Variants in DUSP10 observed in about 807,000 individuals in gnomAD.
The protein encoded by DUSP10 is dual specificity phosphatase 10.
Under a neutral mutation model 30.8 loss-of-function variants are expected in DUSP10, and 14 were observed. That is an observed-to-expected ratio of 0.46 (90% CI 0.30 to 0.71). The LOEUF is 0.71. DUSP10 is among the 30% of genes least tolerant of loss of function. The pLI is 0.08. For synonymous variants in DUSP10, 254 were observed against 250.4 expected, an observed-to-expected ratio of 1.01 and a Z score of -0.14; for missense variants, 550 against 619.4, an observed-to-expected ratio of 0.89 and a Z score of 1.19.
chr1:221,710,567 A>G (rs1471380371), intron 2 of DUSP10, among the ~76,000 whole-genome samples: 1 of 152,226 alleles, frequency 6.6e-6, no homozygotes, highest in East Asian at 1.9e-4. Flanking sequence ...AAGACTCTAT[A>G]TAAGTAAACT....
chr1:221,708,675 T>C (rs1660839652), intron 2 of DUSP10, among the ~76,000 whole-genome samples: 1 of 152,146 alleles, frequency 6.6e-6, no homozygotes, highest in Non-Finnish European at 1.5e-5. Context: ...AAAGAAAATA[T>C]GGAAAATAAC....
At chr1:221,705,505 G>A (rs1239541892) in intron 3 of DUSP10, among the ~76,000 whole-genome samples, 7 of 152,206 alleles carry the variant, frequency 4.6e-5, no homozygotes, top group Admixed American at 1.3e-4. Flanking sequence ...GGATCAAAGC[G>A]TGCTGTTGCT....
Position 221,706,410 on chromosome 1 carries a change from G to C in DUSP10, c.868C>G (p.Leu290Val). The change falls in exon 3 of 4, where the codon CTC becomes GTC. Residue 290 changes from leucine to valine, a missense_variant. By Grantham distance (32) the Leu-to-Val change is conservative. Transcript: ENST00000366899. This position sits in a 1 kb window ranked among gnomAD's most constrained non-coding sequence, Gnocchi z 4.6. Reference protein sequence around the residue: ...HENLCDNSLQLQECREVGGGA... With the variant: ...HENLCDNSLQVQECREVGGGA... ...CCCCCCACCTCCCGGCACTCTTGGA[G>C]CTGGAGGGAGTTGTCACAGAGGTTT... 1.9e-6 allele frequency: 3 copies of C among 1,554,120 alleles called. No individual in the cohort carries two copies. The highest frequency in any genetic ancestry group is 2.6e-6 in the Non-Finnish European group (3 of 1,149,928).
chr1:221,709,509 T>TA (rs1190034814), intron 2 of DUSP10, among the ~76,000 whole-genome samples: 1 of 152,012 alleles, frequency 6.6e-6, no homozygotes, highest in Non-Finnish European at 1.5e-5. Context: ...AATTTAAACA[T>TA]ATAAGGTAAA....
chr1:221,707,415 A>T (rs1173374590), intron 2 of DUSP10, among the ~76,000 whole-genome samples: 1 of 152,230 alleles, frequency 6.6e-6, no homozygotes, highest in African/African-American at 2.4e-5. Context: ...TTGTGGGCAC[A>T]TAAACCCATC....
chr1:221,715,371 CCT>C (rs1460261751), intron 2 of DUSP10, among the ~76,000 whole-genome samples: 1 of 152,160 alleles, frequency 6.6e-6, no homozygotes, highest in Admixed American at 6.5e-5. Context: ...TCAGAAGTTG[CCT>C]CAGGGCAGAA....
Position 221,706,356 on chromosome 1 carries a change from G to A in DUSP10, c.922C>T (p.Pro308Ser). ...GGASAASSLLPQPIPTTPDIE... is the reference protein window; with the variant it reads ...GGASAASSLLSQPIPTTPDIE... ...TCAGGGGTGGTGGGGATGGGCTGAG[G>A]TAGCAAGCTCGAGGCCGCGGATGCG... Residue 308 changes from proline to serine, a missense_variant, in exon 3 of 4, where the codon CCT becomes TCT. Pro to Ser is a moderately conservative substitution (Grantham distance 74). Transcript: ENST00000366899. This position sits in a 1 kb window ranked among gnomAD's most constrained non-coding sequence, Gnocchi z 4.6. 2 of 1,606,268 alleles carry A rather than the reference G, an allele frequency of 1.2e-6. No homozygotes were observed. The highest frequency in any genetic ancestry group is 1.7e-6 in the Non-Finnish European group (2 of 1,174,062).
intron 1 of DUSP10, among the ~76,000 whole-genome samples, chr1:221,740,402 G>T (rs2102659915): frequency 6.6e-6 from 1 of 152,316 alleles, no homozygotes; most frequent in East Asian, 1.9e-4. Context: ...CCTTTGAAAA[G>T]CACAACATAG....
intron 2 of DUSP10, among the ~76,000 whole-genome samples, chr1:221,735,079 T>TGATG (rs1480636988): frequency 6.6e-6 from 1 of 151,822 alleles, no homozygotes. Context: ...TTCTAAGGAG[T>TGATG]GATGAAGTTT....
intron 2 of DUSP10, among the ~76,000 whole-genome samples, chr1:221,713,742 G>GGA (rs1661013476): frequency 6.6e-6 from 1 of 152,170 alleles, no homozygotes; most frequent in African/African-American, 2.4e-5. Flanking sequence ...TTAGGTCCTT[G>GGA]GAGAGCAGGA....
At chr1:221,741,762 C>T (rs568492259) in intron 1 of DUSP10, among the ~76,000 whole-genome samples, 6 of 152,152 alleles carry the variant, frequency 3.9e-5, no homozygotes, top group Non-Finnish European at 8.8e-5. Context: ...GGAGTAAACG[C>T]ACAGGGTAGC....
rs61757363 is a variant in DUSP10, at chr1:221,702,469, G to A, written c.1392C>T (p.Asn464=). Residue 464 remains asparagine (N), a synonymous_variant, in exon 4 of 4, where the codon AAC becomes AAT. Transcript: ENST00000366899. The surrounding 1 kb of genome is among the most constrained non-coding windows in gnomAD (Gnocchi z 4.5). ...GTGTAAGGATTCTCGGTGTCACACC[G>A]TTGTTTAGGTCTTCCTCGAACTCTA... is the stretch of plus-strand genomic sequence containing the variant. ...QLLEFEEDLN[N]GVTPRILTPK... is the part of the protein sequence containing the mutation. 4.4e-4 allele frequency: 706 copies of A among 1,614,024 alleles called. No individual in the cohort carries two copies. Among genetic ancestry groups the A allele is most frequent in the Non-Finnish European group, 5.8e-4 (680 of 1,180,012 alleles).
intron 1 of DUSP10, among the ~76,000 whole-genome samples, chr1:221,741,242 A>T (rs1436901038): frequency 6.6e-6 from 1 of 152,186 alleles, no homozygotes. Flanking sequence ...AGCGAGTTCT[A>T]TTCCAGAAGC....
intron 1 of DUSP10, 116 bp from the exon 2 acceptor site, chr1:221,739,903 C>T (rs1410460371): frequency 5.7e-6 from 6 of 1,054,812 alleles, no homozygotes; most frequent in Non-Finnish European, 7.7e-6. Flanking sequence ...TCCTAATTGC[C>T]CTTTATCATA....
chr1:221,706,320 C>T lies in DUSP10; in HGVS notation c.958G>A (p.Ala320Thr), dbSNP rs1407863281. Residue 320 changes from alanine to threonine, a missense_variant, in exon 3 of 4, where the codon GCT becomes ACT. Transcript: ENST00000366899. The surrounding 1 kb of genome is among the most constrained non-coding windows in gnomAD (Gnocchi z 4.6). ...AAGGGCAAGATGGGGGTGAGCTCAG[C>T]GTTCTCGATGTCAGGGGTGGTGGGG... ...PIPTTPDIEN[A>T]ELTPILPFLF... 3 of 1,613,624 alleles carry T rather than the reference C, an allele frequency of 1.9e-6. No individual in the cohort carries two copies. The highest frequency in any genetic ancestry group is 2.2e-5 in the South Asian group (2 of 91,070).
At chr1:221,732,573 A>C (rs908968447) in intron 2 of DUSP10, among the ~76,000 whole-genome samples, 7 of 152,238 alleles carry the variant, frequency 4.6e-5, no homozygotes, top group African/African-American at 1.7e-4. Context: ...ATACATACGA[A>C]TACCTCAGTC....
intron 2 of DUSP10, among the ~76,000 whole-genome samples, chr1:221,728,696 G>C (rs1180203730): frequency 6.6e-6 from 1 of 152,152 alleles, no homozygotes; most frequent in Non-Finnish European, 1.5e-5. Context: ...CACACTAATA[G>C]GACAGATAAT....
Position 221,706,562 on chromosome 1 carries a change from G to T in DUSP10, c.812-96C>A. 1.1e-6 allele frequency: 1 copy of T among 905,820 alleles called. No homozygotes were observed. Among genetic ancestry groups the T allele is most frequent in the Non-Finnish European group, 1.6e-6 (1 of 643,112 alleles). 56.1% of individuals were successfully genotyped at this position (905,820 alleles called of 1,614,324 possible). On this transcript the variant is annotated intron_variant, in intron 2 of 3. Coordinates refer to ENST00000366899, the MANE Select transcript of DUSP10 (RefSeq NM_007207.6). This position sits in a 1 kb window ranked among gnomAD's most constrained non-coding sequence, Gnocchi z 4.6. ...AGAATGAGTTTGCATTGTAGCTCAT[G>T]CATATTTTAAATACATATATAAATA...
At chr1:221,707,079 T>A (rs964348949) in intron 2 of DUSP10, among the ~76,000 whole-genome samples, 3 of 152,224 alleles carry the variant, frequency 2.0e-5, no homozygotes, top group African/African-American at 7.2e-5. Context: ...CCACCATCTG[T>A]AAACTGAGGG....
Sources: allele counts gnomAD v4.1 joint callset (sites outside exome capture counted in the v4.1 genomes callset), GRCh38; gene constraint gnomAD v4.1.1; non-coding constraint Gnocchi (gnomAD v3.1); transcripts MANE v1.5; gene names NCBI Gene and HGNC (gene_info 2026-07-23, HGNC 2026-07-21).